Variants in DLG2 observed in about 807,000 individuals in gnomAD.
The protein encoded by DLG2 is disks large homolog 2.
DLG2 carries 45 observed loss-of-function variants against 132.5 expected under a neutral mutation model. The ratio of observed to expected loss-of-function variants is 0.34; its 90% CI spans 0.27 to 0.44. DLG2 has a LOEUF of 0.44. Among genes scored for constraint, DLG2 ranks in the 20% least tolerant of loss-of-function variants. The probability of loss-of-function intolerance (pLI) is 1.00; values close to 1 mark genes in which losing one functional copy is unlikely to be tolerated. For synonymous variants in DLG2, 424 were observed against 419.6 expected (o/e 1.01, Z -0.13); for missense variants, 1,045 against 1,196.9 (o/e 0.87, Z 1.87).
intron 3 of DLG2, among the ~76,000 whole-genome samples, chr11:85,523,364 G>A (rs188889295): frequency 2.6e-5 from 4 of 152,122 alleles, no homozygotes; most frequent in Admixed American, 1.3e-4. Flanking sequence ...AATATATAAG[G>A]AGCTCCAACA....
chr11:84,582,829 G>T (rs1272213129), intron 6 of DLG2, among the ~76,000 whole-genome samples: 1 of 152,122 alleles, frequency 6.6e-6, no homozygotes, highest in Non-Finnish European at 1.5e-5. Flanking sequence ...GAATGAGAAT[G>T]GCAGAAAGTG....
At chr11:85,135,701 T>C (rs547836694) in intron 5 of DLG2, among the ~76,000 whole-genome samples, 1 of 152,350 alleles carries the variant, frequency 6.6e-6, no homozygotes, top group Non-Finnish European at 1.5e-5. Flanking sequence ...TTAATGTCTA[T>C]ATCACCCTCT....
Position 83,782,594 on chromosome 11 carries a change from G to T in DLG2, c.1825+4096C>A, listed in dbSNP as rs572847686. On this transcript the variant is annotated intron_variant, in intron 18 of 27. Coordinates refer to ENST00000376104, the MANE Select transcript of DLG2 (RefSeq NM_001142699.3). ...TCTCAAGATGAGTAGGAATCCTGCAGGTGGAAAGGGAGAAAGGCAATTCTG... is the reference window on the plus strand; with the variant it reads ...TCTCAAGATGAGTAGGAATCCTGCATGTGGAAAGGGAGAAAGGCAATTCTG... 2.6e-5 allele frequency among the ~76,000 whole-genome samples: 4 copies of T among 152,284 alleles called. No individual in the cohort carries two copies. In the South Asian group the frequency reaches 8.3e-4, roughly 32 times the overall value.
At chr11:85,201,310 C>T (rs939540935) in intron 4 of DLG2, among the ~76,000 whole-genome samples, 1 of 152,208 alleles carries the variant, frequency 6.6e-6, no homozygotes, top group African/African-American at 2.4e-5. Flanking sequence ...CTTTCTACAG[C>T]ATCTCTGGAG....
intron 7 of DLG2, among the ~76,000 whole-genome samples, chr11:84,412,840 G>A (rs1040690352): frequency 4.6e-5 from 7 of 152,160 alleles, no homozygotes; most frequent in Non-Finnish European, 8.8e-5. Context: ...TGCAGGCCCA[G>A]CATCTGGGAT....
intron 18 of DLG2, among the ~76,000 whole-genome samples, chr11:83,651,413 C>A (rs2070372679): frequency 6.6e-6 from 1 of 152,198 alleles, no homozygotes; most frequent in African/African-American, 2.4e-5. Flanking sequence ...GCTTGGGTGA[C>A]AGGGTGAAAC....
chr11:84,547,714 C>T (rs2099393040), intron 6 of DLG2, among the ~76,000 whole-genome samples: 1 of 152,050 alleles, frequency 6.6e-6, no homozygotes, highest in Non-Finnish European at 1.5e-5. Flanking sequence ...CCTGAGAATC[C>T]CTCTTTTTTC....
intron 3 of DLG2, among the ~76,000 whole-genome samples, chr11:85,401,063 G>C (rs895705982): frequency 6.6e-6 from 1 of 151,728 alleles, no homozygotes; most frequent in East Asian, 1.9e-4. Context: ...CAATAACCCT[G>C]ATGAACATTG....
chr11:85,385,384 T>G (rs2086242612), intron 3 of DLG2, among the ~76,000 whole-genome samples: 1 of 152,224 alleles, frequency 6.6e-6, no homozygotes, highest in African/African-American at 2.4e-5. Context: ...TTGTTTGTTT[T>G]GTTTTTTTAC....
intron 11 of DLG2, among the ~76,000 whole-genome samples, chr11:83,997,213 C>T (rs1419280283): frequency 1.3e-5 from 2 of 151,860 alleles, no homozygotes; most frequent in African/African-American, 2.4e-5. Context: ...ATTTAAAAAC[C>T]TTTTATGCTC....
At chr11:85,561,288 T>C (rs938060523) in intron 3 of DLG2, among the ~76,000 whole-genome samples, 1 of 115,974 alleles carries the variant, frequency 8.6e-6, no homozygotes, top group Non-Finnish European at 1.6e-5. Flanking sequence ...GCTATGATCA[T>C]GCCAATGTAC....
chr11:84,255,595 G>C (rs1361835962), intron 7 of DLG2, among the ~76,000 whole-genome samples: 1 of 152,066 alleles, frequency 6.6e-6, no homozygotes, highest in Non-Finnish European at 1.5e-5. Context: ...AGCGCTGGGA[G>C]TACAGGTGTG....
rs77196535 is a variant in DLG2 at position 83,943,898 on chromosome 11, G to C, written c.1341-13415C>G. ...GAAGTATCTCTATTGCCTGAATCTTGGCTGCCTTATCTGGAAATGGCCTTT... is the reference window on the plus strand; with the variant it reads ...GAAGTATCTCTATTGCCTGAATCTTCGCTGCCTTATCTGGAAATGGCCTTT... On this transcript the variant is annotated intron_variant, in intron 14 of 27. Transcript: ENST00000376104. Among the ~76,000 whole-genome samples the C allele has an allele frequency of 3.9e-3, 593 of 152,268 alleles. 4 individuals are homozygous for C. The highest frequency in any genetic ancestry group is 0.014 in the African/African-American group (573 of 41,548).
At chr11:83,599,222 G>A (rs112686893) in intron 19 of DLG2, among the ~76,000 whole-genome samples, 4 of 152,096 alleles carry the variant, frequency 2.6e-5, no homozygotes, top group Non-Finnish European at 4.4e-5. Flanking sequence ...CAGCATGGAA[G>A]GTATGTAAAT....
At chr11:84,100,434 C>A (rs1181703869) in intron 9 of DLG2, among the ~76,000 whole-genome samples, 1 of 151,152 alleles carries the variant, frequency 6.6e-6, no homozygotes, top group Non-Finnish European at 1.5e-5. Context: ...GTCTCCTTTA[C>A]TCCCCATCTC....
chr11:84,281,029 T>C (rs1305435774), intron 7 of DLG2, among the ~76,000 whole-genome samples: 2 of 152,036 alleles, frequency 1.3e-5, no homozygotes, highest in Non-Finnish European at 2.9e-5. Context: ...CCTAGATAAC[T>C]GATTTTTAAT....
intron 3 of DLG2, among the ~76,000 whole-genome samples, chr11:85,468,918 C>G (rs1367849074): frequency 6.6e-6 from 1 of 152,092 alleles, no homozygotes; most frequent in African/African-American, 2.4e-5. Flanking sequence ...TTGGCCTCCC[C>G]AAGTGCTGGG....
chr11:84,228,060 C>T (rs1176597751), intron 8 of DLG2, among the ~76,000 whole-genome samples: 1 of 152,048 alleles, frequency 6.6e-6, no homozygotes, highest in East Asian at 1.9e-4. Flanking sequence ...GTATCACAAA[C>T]TATTTCATGA....
chr11:84,061,428 A>G (rs1318869505), intron 10 of DLG2, among the ~76,000 whole-genome samples: 2 of 152,234 alleles, frequency 1.3e-5, no homozygotes, highest in Non-Finnish European at 2.9e-5. Context: ...AAAACTTATT[A>G]TCTACATTAT....
Sources: gnomAD v4.1 joint callset for allele counts (sites outside exome capture counted in the v4.1 genomes callset) on GRCh38, gnomAD v4.1.1 for gene constraint, MANE v1.5 for transcripts, NCBI Gene and HGNC (gene_info 2026-07-23, HGNC 2026-07-21) for gene names.